DENND1A: variants seen among roughly 807,000 people sequenced by gnomAD.
DENND1A encodes DENN domain-containing protein 1A.
DENND1A carries 51 observed loss-of-function variants against 113.7 expected under a neutral mutation model. That is an observed-to-expected ratio of 0.45 (90% CI 0.36 to 0.57). DENND1A has a LOEUF of 0.57. Among genes scored for constraint, DENND1A ranks in the 20% least tolerant of loss-of-function variants. DENND1A has a pLI of 0.00. For synonymous variants in DENND1A, 565 were observed against 570.8 expected (o/e 0.99, Z 0.14); for missense variants, 1,258 against 1,395.9 (o/e 0.90, Z 1.57).
chr9:123,637,808 G>T (rs914888421), intron 9 of DENND1A, among the ~76,000 whole-genome samples: 1 of 152,020 alleles, frequency 6.6e-6, no homozygotes, highest in Admixed American at 6.6e-5. Flanking sequence ...CTTTTCAGGG[G>T]GTAATGGCAA....
At position 123,671,390 on chromosome 9, in the gene DENND1A, C is replaced by T; in HGVS notation, c.373-19G>A. On this transcript the variant is annotated intron_variant, in intron 6 of 23. Transcript: ENST00000394215. ...GATTTTCCTGAAAGAAATAAAAGGC[C>T]TAAGTAACAAAAGCAAGGCTGAGCC... 1.2e-6 allele frequency: 2 copies of T among 1,613,070 alleles called. No homozygotes were observed. Among genetic ancestry groups the T allele is most frequent in the East Asian group, 2.2e-5 (1 of 44,828 alleles).
At chr9:123,625,699 G>A (rs1038622353) in intron 10 of DENND1A, among the ~76,000 whole-genome samples, 3 of 152,324 alleles carry the variant, frequency 2.0e-5, no homozygotes, top group East Asian at 1.9e-4. Flanking sequence ...AGCCAAGATC[G>A]TGCCACTGCA....
At chr9:123,917,913 A>T (rs1855461129) in intron 1 of DENND1A, among the ~76,000 whole-genome samples, 1 of 151,708 alleles carries the variant, frequency 6.6e-6, no homozygotes, top group Non-Finnish European at 1.5e-5. Context: ...GATCGAGACC[A>T]TCCTGGCTAA....
chr9:123,815,355 TC>T (rs1301351728), intron 2 of DENND1A, among the ~76,000 whole-genome samples: 2 of 152,238 alleles, frequency 1.3e-5, no homozygotes, highest in South Asian at 4.1e-4. Context: ...AAGTCTGACA[TC>T]CCCCTGCAAA....
At chr9:123,589,215 G>C (rs34680026) in intron 11 of DENND1A, among the ~76,000 whole-genome samples, 3,811 of 152,108 alleles carry the variant, frequency 0.025, 129 homozygotes, top group African/African-American at 0.081. Context: ...CCTTTTGTGG[G>C]ATGTTATTTC....
At chr9:123,558,467 G>A (rs949505943) in intron 12 of DENND1A, among the ~76,000 whole-genome samples, 1 of 152,146 alleles carries the variant, frequency 6.6e-6, no homozygotes, top group South Asian at 2.1e-4. Flanking sequence ...AAAGAAGCAC[G>A]TAATACATTT....
chr9:123,560,783 C>T (rs1308256046), intron 12 of DENND1A, among the ~76,000 whole-genome samples: 2 of 151,702 alleles, frequency 1.3e-5, no homozygotes, highest in African/African-American at 4.8e-5. Context: ...CCATGGAAAA[C>T]AATTCCTTTG....
intron 23 of DENND1A, 147 bp downstream of exon 23, chr9:123,383,508 T>C (rs1307536572): frequency 1.5e-6 from 2 of 1,307,668 alleles, no homozygotes; most frequent in African/African-American, 3.0e-5. Context: ...GGGAGGTGTT[T>C]ACAGTCACAC....
intron 4 of DENND1A, among the ~76,000 whole-genome samples, chr9:123,765,099 C>T (rs559743041): frequency 6.6e-6 from 1 of 152,194 alleles, no homozygotes; most frequent in East Asian, 1.9e-4. Flanking sequence ...TCATTTTTTT[C>T]TTTCTCTCAG....
rs138634586 is a variant in DENND1A at position 123,382,280 on chromosome 9, C to T, written c.2365G>A (p.Gly789Ser). 1.6e-5 allele frequency: 26 copies of T among 1,610,708 alleles called. No homozygotes were observed. The Middle Eastern group carries it at 6.6e-4, about 41-fold the overall frequency. Residue 789 changes from glycine (G) to serine (S), a missense_variant, in exon 24 of 24, where the codon GGC becomes AGC. Physicochemically the swap from Gly to Ser is moderately conservative, Grantham distance 56. Around this residue, in one of 2 missense-constraint regions of DENND1A, gnomAD observed 1,159 missense variants for 1,231.7 expected, o/e 0.94. Transcript: ENST00000394215. ...TCTGAGACGTCACCAAGTGCGGCGC[C>T]GGCAGCCTGGAGCTTGGCCGGGCGG... ...IPRPAKLQAA[G>S]AALGDVSERL... is the part of the protein sequence containing the mutation.
intron 5 of DENND1A, among the ~76,000 whole-genome samples, chr9:123,744,735 G>A (rs1395525665): frequency 2.0e-5 from 3 of 148,388 alleles, no homozygotes; most frequent in Admixed American, 6.7e-5. Context: ...AGATGTCCAC[G>A]ACCACCTTAC....
chr9:123,902,475 C>A (rs1044707352), intron 1 of DENND1A, among the ~76,000 whole-genome samples: 1 of 152,148 alleles, frequency 6.6e-6, no homozygotes, highest in African/African-American at 2.4e-5. Context: ...AGCCACAGAT[C>A]TGAGAAGGGG....
chr9:123,492,474 G>A (rs1372439346), intron 13 of DENND1A, among the ~76,000 whole-genome samples: 1 of 152,200 alleles, frequency 6.6e-6, no homozygotes, highest in Admixed American at 6.5e-5. Context: ...GTGATGGGAG[G>A]AGAATGTGAA....
At chr9:123,656,339 T>C (rs1463823376) in intron 8 of DENND1A, among the ~76,000 whole-genome samples, 1 of 152,110 alleles carries the variant, frequency 6.6e-6, no homozygotes, top group Non-Finnish European at 1.5e-5. Flanking sequence ...AAAATCTTCC[T>C]AGAGACTCTG....
intron 2 of DENND1A, among the ~76,000 whole-genome samples, chr9:123,866,603 T>G (rs1845824564): frequency 6.6e-6 from 1 of 152,198 alleles, no homozygotes; most frequent in Non-Finnish European, 1.5e-5. Context: ...TTTCCGGAAG[T>G]TGTGTTGTTT....
At position 123,699,107 on chromosome 9, in the gene DENND1A, T is replaced by C. The variant is rs2065712353; in HGVS notation, c.303-22318A>G. 2.1e-5 allele frequency among the ~76,000 whole-genome samples: 3 copies of C among 141,222 alleles called. 1 individual carries two copies. The South Asian group carries it at 6.7e-4, about 31-fold the overall frequency. The allele number at this position is 141,222 out of a possible 152,430, so 92.6% of individuals were successfully genotyped here. A position where few individuals can be genotyped will look rare whatever the true frequency, so the allele number is the denominator to read the frequency against. The stretch of plus-strand genomic sequence containing the variant: ...TTTTTAATGGAGCCAACTAAAGAGC[T>C]GTCATAAGGATTAAATAATACAATT... On this transcript the variant is annotated intron_variant, in intron 5 of 23. Transcript: ENST00000394215.
At chr9:123,679,637 C>G (rs1046381119) in intron 5 of DENND1A, among the ~76,000 whole-genome samples, 2 of 152,192 alleles carry the variant, frequency 1.3e-5, no homozygotes, top group African/African-American at 4.8e-5. Flanking sequence ...CAAAGGGCCC[C>G]TGTTTTCCCC....
intron 18 of DENND1A, among the ~76,000 whole-genome samples, chr9:123,444,401 C>A (rs2047150060): frequency 6.6e-6 from 1 of 152,156 alleles, no homozygotes; most frequent in Non-Finnish European, 1.5e-5. Context: ...GTGCAGTAAT[C>A]CTAGCACTTT....
At chr9:123,636,697 CT>C (rs112301152) in intron 9 of DENND1A, among the ~76,000 whole-genome samples, 37,997 of 119,550 alleles carry the variant, frequency 0.32, 5,420 homozygotes, top group African/African-American at 0.48. Context: ...GATTACCAGA[CT>C]TTTTTTTTTT....
Sources: gnomAD v4.1 joint callset for allele counts (sites outside exome capture counted in the v4.1 genomes callset) on GRCh38, gnomAD v4.1.1 for gene constraint, gnomAD v4.1.1 regional missense constraint, MANE v1.5 for transcripts, NCBI Gene and HGNC (gene_info 2026-07-23, HGNC 2026-07-21) for gene names.